TRIP12: variants seen among roughly 807,000 people sequenced by gnomAD.
The protein encoded by TRIP12 is thyroid hormone receptor interactor 12, also known as E3 ubiquitin-protein ligase TRIP12.
A neutral mutation model predicts 244.2 loss-of-function variants in TRIP12; 25 were observed. That is an observed-to-expected ratio of 0.10 (90% CI 0.07 to 0.14). TRIP12 has a LOEUF of 0.14. Among genes scored for constraint, TRIP12 ranks in the 10% least tolerant of loss-of-function variants. TRIP12 has a pLI of 1.00. For synonymous variants in TRIP12, 905 were observed against 873.1 expected (o/e 1.04, Z -0.64); for missense variants, 1,677 against 2,486.4 (o/e 0.67, Z 6.92).
chr2:229,860,158 G>A (rs1220949603), intron 3 of TRIP12, among the ~76,000 whole-genome samples: 1 of 152,116 alleles, frequency 6.6e-6, no homozygotes, highest in African/African-American at 2.4e-5. Context: ...ATAATGGTTT[G>A]TTAAGCAAAG....
chr2:229,828,707 C>T (rs878860667), intron 8 of TRIP12, among the ~76,000 whole-genome samples: 3 of 151,958 alleles, frequency 2.0e-5, no homozygotes, highest in Non-Finnish European at 2.9e-5. Context: ...GCAGAGGTTG[C>T]AGTAAGCTGA....
intron 37 of TRIP12, 71 bp from the exon 38 acceptor site, chr2:229,774,332 A>ATATCCTAATAAAATATAAGC (rs1177918021): frequency 6.9e-7 from 1 of 1,447,042 alleles, no homozygotes; most frequent in African/African-American, 1.4e-5. Flanking sequence ...AAAATAAAAG[A>ATATCCTAATAAAATATAAGC]TATCCTAATA....
intron 6 of TRIP12, among the ~76,000 whole-genome samples, chr2:229,832,793 T>C (rs995956237): frequency 5.9e-5 from 9 of 152,236 alleles, no homozygotes; most frequent in African/African-American, 2.2e-4. Flanking sequence ...CAGTGATTTT[T>C]AATTCAAATA....
intron 2 of TRIP12, among the ~76,000 whole-genome samples, chr2:229,877,303 G>A (rs1236031951): frequency 6.6e-6 from 1 of 152,080 alleles, no homozygotes; most frequent in Non-Finnish European, 1.5e-5. Context: ...ACTTTGGGAG[G>A]CCAAGGCGGT....
intron 1 of TRIP12, among the ~76,000 whole-genome samples, chr2:229,903,740 C>T (rs994594260): frequency 6.6e-6 from 1 of 151,882 alleles, no homozygotes; most frequent in Non-Finnish European, 1.5e-5. Flanking sequence ...TTTGGCCAGG[C>T]GCGGTGGCTC....
chr2:229,770,402 T>C (rs1417382546), intron 39 of TRIP12, among the ~76,000 whole-genome samples: 1 of 152,214 alleles, frequency 6.6e-6, no homozygotes, highest in African/African-American at 2.4e-5. Context: ...TGACAAGCAG[T>C]GCCTACAAGT....
At chr2:229,831,275 C>T (rs1435763417) in intron 6 of TRIP12, 8 of 617,794 alleles carry the variant, frequency 1.3e-5, no homozygotes, top group East Asian at 1.1e-4. Flanking sequence ...CGTCTGCCTT[C>T]TAAGTCTGCT....
intron 1 of TRIP12, among the ~76,000 whole-genome samples, chr2:229,899,167 C>G (rs1028782628): frequency 2.0e-5 from 3 of 152,158 alleles, no homozygotes; most frequent in Admixed American, 2.0e-4. Context: ...GATTTCCAGG[C>G]CTGTCTCGAA....
In TRIP12 at chr2:229,848,033, T is replaced by C. The variant is rs539636874; in HGVS notation, c.1028-7106A>G. 8.5e-5 allele frequency among the ~76,000 whole-genome samples: 13 copies of C among 152,234 alleles called. No individual in the cohort carries two copies. The South Asian group carries it at 2.7e-3, about 32-fold the overall frequency. On this transcript the variant is annotated intron_variant, in intron 4 of 41. Coordinates refer to ENST00000675903, the MANE Select transcript of TRIP12 (RefSeq NM_001348323.3). ...CCCCAGAACTCAGGCACTTAGGGCTTCACCTTGAGGCAGAAGTTTGAAACA... is the reference window on the plus strand; with the variant it reads ...CCCCAGAACTCAGGCACTTAGGGCTCCACCTTGAGGCAGAAGTTTGAAACA...
chr2:229,793,225 T>C, intron 26 of TRIP12, 80 bp from the exon 27 acceptor site: 1 of 1,398,386 alleles, frequency 7.2e-7, no homozygotes, highest in Non-Finnish European at 9.7e-7. Flanking sequence ...GGCAAGTTAA[T>C]ACAAACTGCA....
chr2:229,789,886 T>C lies in TRIP12; in HGVS notation c.4544-124A>G, dbSNP rs1575026475. On this transcript the variant is annotated intron_variant, in intron 30 of 41. Transcript: ENST00000675903. ...TTATAGTCAACGCTTGGAATCTTATTAGTAGGGTATTGATAAGTTTGACAA... is the reference window on the plus strand; with the variant it reads ...TTATAGTCAACGCTTGGAATCTTATCAGTAGGGTATTGATAAGTTTGACAA... The C allele has an allele frequency of 3.0e-6, 3 of 1,002,420 alleles. No individual in the cohort carries two copies. The East Asian group carries it at 7.3e-5, about 24-fold the overall frequency. 62.1% of individuals were successfully genotyped at this position (1,002,420 alleles called of 1,614,324 possible). A position where few individuals can be genotyped will look rare whatever the true frequency, so the allele number is the denominator to read the frequency against.
chr2:229,815,009 T>A (rs1412615455), intron 11 of TRIP12, 90 bp downstream of exon 11: 3 of 995,344 alleles, frequency 3.0e-6, no homozygotes, highest in Non-Finnish European at 3.0e-6. Context: ...AAAAATATAC[T>A]TTATTTAGAA....
chr2:229,826,313 G>C (rs2051574023), intron 8 of TRIP12, among the ~76,000 whole-genome samples: 2 of 152,018 alleles, frequency 1.3e-5, no homozygotes, highest in Admixed American at 6.6e-5. Flanking sequence ...TTTTCAATAG[G>C]CTTTCTTTAC....
At chr2:229,890,738 C>T (rs2067144051) in intron 1 of TRIP12, among the ~76,000 whole-genome samples, 2 of 151,984 alleles carry the variant, frequency 1.3e-5, no homozygotes, top group South Asian at 2.1e-4. Flanking sequence ...TAGAATGTCT[C>T]GAATATTTTT....
intron 4 of TRIP12, among the ~76,000 whole-genome samples, chr2:229,849,290 A>G (rs559345198): frequency 6.6e-6 from 1 of 152,360 alleles, no homozygotes; most frequent in East Asian, 1.9e-4. Flanking sequence ...TGTAAATAAC[A>G]TTTAGATGTT....
At chr2:229,837,708 C>T (rs2055203883) in intron 5 of TRIP12, among the ~76,000 whole-genome samples, 1 of 151,994 alleles carries the variant, frequency 6.6e-6, no homozygotes, top group Admixed American at 6.6e-5. Context: ...ATTTCCCAGC[C>T]CGTGTTCCAG....
rs564542354 is a variant in TRIP12 at position 229,892,330 on chromosome 2, G to C, written c.-49-12202C>G. Among the ~76,000 whole-genome samples the C allele has an allele frequency of 7.2e-5, 11 of 152,290 alleles. No homozygotes were observed. In the South Asian group the frequency reaches 1.5e-3, roughly 20 times the overall value. On this transcript the variant is annotated intron_variant, in intron 1 of 41. Coordinates refer to ENST00000675903, the MANE Select transcript of TRIP12 (RefSeq NM_001348323.3). Reference sequence around the variant, plus strand: ...CAGGGGGAAGGAAAGGTATGTATTTGTTTATATATGTGTAGGAAAAAAGTC... The same window carrying C: ...CAGGGGGAAGGAAAGGTATGTATTTCTTTATATATGTGTAGGAAAAAAGTC...
At chr2:229,882,288 T>C (rs375296597) in intron 1 of TRIP12, among the ~76,000 whole-genome samples, 16 of 152,324 alleles carry the variant, frequency 1.1e-4, no homozygotes, top group African/African-American at 3.8e-4. Flanking sequence ...TAAAATCTAA[T>C]ATATTGGGAA....
intron 24 of TRIP12, 98 bp from the exon 25 acceptor site, chr2:229,796,880 C>A: frequency 2.6e-6 from 3 of 1,166,966 alleles, no homozygotes; most frequent in Non-Finnish European, 3.5e-6. Flanking sequence ...ATATTCTCAA[C>A]GCCCTTAAAA....
Sources: allele counts gnomAD v4.1 joint callset (sites outside exome capture counted in the v4.1 genomes callset), GRCh38; gene constraint gnomAD v4.1.1; transcripts MANE v1.5; gene names NCBI Gene and HGNC (gene_info 2026-07-23, HGNC 2026-07-21).